PCDHGB1: variants seen among roughly 807,000 people sequenced by gnomAD.
The protein encoded by PCDHGB1 is protocadherin gamma-B1.
In PCDHGB1, 34 loss-of-function variants were observed where a neutral mutation model predicts 56.6. The observed-to-expected ratio is 0.60, with a 90% CI of 0.46 to 0.80. The LOEUF (loss-of-function observed/expected upper bound fraction) is 0.80, where lower values mean the gene tolerates loss of function less well. PCDHGB1 is among the 30% of genes least tolerant of loss of function. PCDHGB1 has a pLI of 0.00. For synonymous variants in PCDHGB1, 561 were observed against 505.9 expected (o/e 1.11, Z -1.46); for missense variants, 1,278 against 1,204.6 (o/e 1.06, Z -0.90).
chr5:141,496,164 C>A (rs745320704), intron 2 of PCDHGB1, among the ~76,000 whole-genome samples: 1 of 152,084 alleles, frequency 6.6e-6, no homozygotes, highest in East Asian at 1.9e-4. Flanking sequence ...CCACCAGACA[C>A]CCTCCCATCC....
intron 1 of PCDHGB1, chr5:141,394,441 G>A (rs1161641966): frequency 6.2e-7 from 1 of 1,614,236 alleles, no homozygotes; most frequent in Admixed American, 1.7e-5. Flanking sequence ...CCGCCCCTCA[G>A]CAGCAACATG....
chr5:141,364,807 T>A, intron 1 of PCDHGB1: 1 of 1,614,018 alleles, frequency 6.2e-7, no homozygotes, highest in Non-Finnish European at 8.5e-7. Flanking sequence ...TCGCGCGGGA[T>A]GCGGATGTGG....
chr5:141,408,240 C>T (rs1012868761), intron 1 of PCDHGB1: 89 of 1,578,820 alleles, frequency 5.6e-5, no homozygotes, highest in Non-Finnish European at 7.3e-5. Context: ...CGGGCCGGCC[C>T]GCGGCAGGTG....
Position 141,485,465 on chromosome 5 carries a change from C to T in PCDHGB1, c.2410-9342C>T. ...AATCGACCGAGAGGCACTGTGTGGG[C>T]TCAGTGCCAGCTGCATCGTGCCCCT... On this transcript the variant is annotated intron_variant, in intron 1 of 3. Coordinates refer to ENST00000523390, the MANE Select transcript of PCDHGB1 (RefSeq NM_018922.3). This position sits in a 1 kb window ranked among gnomAD's most constrained non-coding sequence, Gnocchi z 5.7. 6.2e-7 allele frequency: 1 copy of T among 1,614,162 alleles called. No homozygotes were observed.
chr5:141,375,820 C>T (rs62378422), intron 1 of PCDHGB1: 145,173 of 1,614,058 alleles, frequency 0.09, 7,179 homozygotes, highest in African/African-American at 0.18. Context: ...AGCTGGCGCC[C>T]CGCTCCGCAG....
chr5:141,377,221 G>GT (rs1773788570), intron 1 of PCDHGB1: 1 of 152,014 alleles, frequency 6.6e-6, no homozygotes, highest in South Asian at 2.1e-4. Context: ...CGTTTCTTAG[G>GT]TTTTTTCCTA....
intron 1 of PCDHGB1, chr5:141,360,485 T>C (rs751812912): frequency 1.2e-6 from 2 of 1,613,990 alleles, no homozygotes; most frequent in East Asian, 4.5e-5. Flanking sequence ...CTAAATATTT[T>C]CTACATAGCA....
chr5:141,481,897 G>A (rs916673176), intron 1 of PCDHGB1, among the ~76,000 whole-genome samples: 3 of 128,712 alleles, frequency 2.3e-5, no homozygotes, highest in South Asian at 5.0e-4. Context: ...CTGGGTGAAA[G>A]AGCGAAACTC....
At chr5:141,370,339 ATTAT>A (rs1300420900) in intron 1 of PCDHGB1, 18 of 1,464,644 alleles carry the variant, frequency 1.2e-5, no homozygotes, top group Non-Finnish European at 1.7e-5. Flanking sequence ...AACTCTTGGG[ATTAT>A]TTAAAGATCT....
intron 1 of PCDHGB1, among the ~76,000 whole-genome samples, chr5:141,368,730 A>G (rs1166595138): frequency 6.6e-6 from 1 of 152,208 alleles, no homozygotes; most frequent in Non-Finnish European, 1.5e-5. Context: ...TATGTACTGT[A>G]TATACCATAT....
chr5:141,354,426 C>A (rs1759540645), intron 1 of PCDHGB1, among the ~76,000 whole-genome samples: 2 of 152,236 alleles, frequency 1.3e-5, no homozygotes, highest in African/African-American at 4.8e-5. Context: ...GGAGCAAATT[C>A]TCTTCCCAAA....
chr5:141,372,657 T>C, intron 1 of PCDHGB1: 3 of 1,614,048 alleles, frequency 1.9e-6, no homozygotes, highest in Non-Finnish European at 2.5e-6. Context: ...CTACAATCCG[T>C]GTGCTGCCTC....
At chr5:141,474,888 G>T (rs1349812637) in intron 1 of PCDHGB1, among the ~76,000 whole-genome samples, 1 of 152,176 alleles carries the variant, frequency 6.6e-6, no homozygotes, top group Non-Finnish European at 1.5e-5. Context: ...ACTCTTAGAG[G>T]TTCATTTCTT....
chr5:141,494,812 C>G lies in PCDHGB1; in HGVS notation c.2415C>G (p.Ala805=). The part of the protein sequence containing the change: ...AYDPSLSSHQ[A]PPNTDWRFSQ... ...TCCCTCTGTTTTCTCCACAGCAAGCCCCGCCCAACACGGACTGGCGTTTCT... is the reference window on the plus strand; with the variant it reads ...TCCCTCTGTTTTCTCCACAGCAAGCGCCGCCCAACACGGACTGGCGTTTCT... The change falls in exon 2 of 4, where the codon GCC becomes GCG. Residue 805 remains alanine, a synonymous_variant. Coordinates refer to ENST00000523390, the MANE Select transcript of PCDHGB1 (RefSeq NM_018922.3). 4 of 1,614,146 alleles carry G rather than the reference C, an allele frequency of 2.5e-6. No homozygotes were observed. The highest frequency in any genetic ancestry group is 3.4e-6 in the Non-Finnish European group (4 of 1,180,016).
intron 1 of PCDHGB1, chr5:141,478,072 G>A (rs752905249): frequency 6.2e-7 from 1 of 1,614,048 alleles, no homozygotes; most frequent in Admixed American, 1.7e-5. Flanking sequence ...AAGACAATGG[G>A]GAGCCTTCGC....
chr5:141,390,587 A>T (rs1043489470), intron 1 of PCDHGB1: 1 of 340,604 alleles, frequency 2.9e-6, no homozygotes, highest in Non-Finnish European at 5.3e-6. Flanking sequence ...AAAGTGAATG[A>T]GATTTTTCCT....
intron 1 of PCDHGB1, chr5:141,405,569 A>G: frequency 1.7e-6 from 1 of 604,184 alleles, no homozygotes. Context: ...GGACTAGAGT[A>G]GAGTAGCTGG....
chr5:141,394,653 C>T lies in PCDHGB1; in HGVS notation c.2409+41984C>T, dbSNP rs545273127. On this transcript the variant is annotated intron_variant, in intron 1 of 3. Coordinates refer to ENST00000523390, the MANE Select transcript of PCDHGB1 (RefSeq NM_018922.3). ...CTACCGCCTGCTCAAGGCCAGCGAG[C>T]CGGGACTCTTCTCGGTGGGTCTGCA... The T allele has an allele frequency of 9.9e-6, 16 of 1,613,348 alleles. No homozygotes were observed. The East Asian group carries it at 3.1e-4, about 31-fold the overall frequency.
intron 1 of PCDHGB1, chr5:141,374,427 A>C: frequency 6.2e-7 from 1 of 1,613,980 alleles, no homozygotes; most frequent in Non-Finnish European, 8.5e-7. Flanking sequence ...GATAAACTGA[A>C]TCTTTATCCC....
Sources: gnomAD v4.1 joint callset for allele counts (sites outside exome capture counted in the v4.1 genomes callset) on GRCh38, gnomAD v4.1.1 for gene constraint, Gnocchi (gnomAD v3.1) non-coding constraint, MANE v1.5 for transcripts, NCBI Gene and HGNC (gene_info 2026-07-23, HGNC 2026-07-21) for gene names.